The following MARCHF4 variants were observed in gnomAD, a reference collection of about 807,000 sequenced individuals.
MARCHF4 encodes E3 ubiquitin-protein ligase MARCHF4.
In MARCHF4, 14 loss-of-function variants were observed where a neutral mutation model predicts 43.9. That is an observed-to-expected ratio of 0.32 (90% CI 0.21 to 0.50). The LOEUF is 0.50. Ranked by LOEUF, MARCHF4 falls within the 20% of genes least tolerant of loss-of-function variation. The pLI, the probability that MARCHF4 is intolerant of heterozygous loss-of-function variation, is 0.98. For synonymous variants in MARCHF4, 226 were observed against 213.3 expected (o/e 1.06, Z -0.52); for missense variants, 468 against 536.7 (o/e 0.87, Z 1.27).
chr2:216,353,500 C>A (rs1692433174), intron 1 of MARCHF4, among the ~76,000 whole-genome samples: 1 of 152,196 alleles, frequency 6.6e-6, no homozygotes, highest in African/African-American at 2.4e-5. Context: ...AGGGATTTGC[C>A]TTCCACCTTG....
intron 1 of MARCHF4, chr2:216,318,163 C>T (rs1370495632): frequency 1.3e-5 from 2 of 152,238 alleles, no homozygotes; most frequent in Admixed American, 1.3e-4. Flanking sequence ...GTGCCTCGAT[C>T]TAAGTTTTCC....
At chr2:216,337,750 C>G (rs540579076) in intron 1 of MARCHF4, among the ~76,000 whole-genome samples, 1 of 152,236 alleles carries the variant, frequency 6.6e-6, no homozygotes, top group African/African-American at 2.4e-5. Flanking sequence ...TGGTTAGCGA[C>G]CTACTACTTC....
At chr2:216,324,527 G>C (rs1691956161) in intron 1 of MARCHF4, among the ~76,000 whole-genome samples, 1 of 151,988 alleles carries the variant, frequency 6.6e-6, no homozygotes, top group Admixed American at 6.6e-5. Flanking sequence ...GAGAATTTTA[G>C]ACCAATATCC....
intron 3 of MARCHF4, among the ~76,000 whole-genome samples, chr2:216,264,860 G>A (rs1384556219): frequency 6.6e-6 from 1 of 152,192 alleles, no homozygotes; most frequent in Non-Finnish European, 1.5e-5. Context: ...GGTGAAGAAG[G>A]TGGACCTGTT....
In MARCHF4 at chr2:216,283,865, C is replaced by T. The variant is rs7604731; in HGVS notation, c.517-136G>A. ...ACAGGCTTTGTTTGGGGGCACCAGACTCCATGGAGGAGGCCTGGGCTCCTG... is the reference window on the plus strand; with the variant it reads ...ACAGGCTTTGTTTGGGGGCACCAGATTCCATGGAGGAGGCCTGGGCTCCTG... On this transcript the variant is annotated intron_variant, in intron 1 of 3. Coordinates refer to ENST00000273067, the MANE Select transcript of MARCHF4 (RefSeq NM_020814.3). 131 of 945,396 alleles carry T rather than the reference C, an allele frequency of 1.4e-4. No individual in the cohort carries two copies. In the African/African-American group the frequency reaches 2.1e-3, roughly 15 times the overall value. The allele number at this position is 945,396 out of a possible 1,614,324, so 58.6% of individuals were successfully genotyped here. A position where few individuals can be genotyped will look rare whatever the true frequency, so the allele number is the denominator to read the frequency against.
At chr2:216,334,447 G>A (rs972070192) in intron 1 of MARCHF4, among the ~76,000 whole-genome samples, 1 of 152,000 alleles carries the variant, frequency 6.6e-6, no homozygotes, top group Non-Finnish European at 1.5e-5. Flanking sequence ...GTTGCCCAGG[G>A]TGGAGTGCAG....
At chr2:216,269,920 G>A (rs1690905384) in intron 3 of MARCHF4, among the ~76,000 whole-genome samples, 1 of 152,072 alleles carries the variant, frequency 6.6e-6, no homozygotes, top group African/African-American at 2.4e-5. Flanking sequence ...TCCCTTACTT[G>A]GTTAGTGTCC....
At position 216,285,940 on chromosome 2, in the gene MARCHF4, C is replaced by T. The variant is rs145737970; in HGVS notation, c.517-2211G>A. On this transcript the variant is annotated intron_variant, in intron 1 of 3. Coordinates refer to ENST00000273067, the MANE Select transcript of MARCHF4 (RefSeq NM_020814.3). Reference sequence around the variant, plus strand: ...GTGCTGAATGACAGTGAAGTCTCCACGCCTTGCTTCCCAAGCAGCAGCCAA... The same window carrying T: ...GTGCTGAATGACAGTGAAGTCTCCATGCCTTGCTTCCCAAGCAGCAGCCAA... Among the ~76,000 whole-genome samples the T allele has an allele frequency of 1.1e-3, 172 of 152,346 alleles. 1 individual carries two copies. The highest frequency in any genetic ancestry group is 3.8e-3 in the African/African-American group (157 of 41,574).
chr2:216,273,724 G>C (rs1690976868), intron 3 of MARCHF4, among the ~76,000 whole-genome samples: 1 of 152,190 alleles, frequency 6.6e-6, no homozygotes, highest in Non-Finnish European at 1.5e-5. Flanking sequence ...ATGTAAGATA[G>C]ATGCCTCCCG....
chr2:216,368,828 T>C (rs181113717), intron 1 of MARCHF4, among the ~76,000 whole-genome samples: 10 of 152,312 alleles, frequency 6.6e-5, no homozygotes, highest in African/African-American at 2.4e-4. Flanking sequence ...ATTCTATAGT[T>C]CCTGAAGAAT....
chr2:216,291,414 A>G (rs1013218985), intron 1 of MARCHF4, among the ~76,000 whole-genome samples: 1 of 152,130 alleles, frequency 6.6e-6, no homozygotes, highest in Non-Finnish European at 1.5e-5. Context: ...ATGTCTGAGG[A>G]CTGGTATAAA....
intron 1 of MARCHF4, among the ~76,000 whole-genome samples, chr2:216,290,190 G>C (rs961095837): frequency 3.3e-5 from 5 of 152,134 alleles, no homozygotes; most frequent in African/African-American, 1.2e-4. Flanking sequence ...TAGAAAGGAG[G>C]GGGTGAGTTG....
At chr2:216,295,264 T>G (rs1305385009) in intron 1 of MARCHF4, among the ~76,000 whole-genome samples, 1 of 152,088 alleles carries the variant, frequency 6.6e-6, no homozygotes, top group Non-Finnish European at 1.5e-5. Flanking sequence ...TGTTTTTTGT[T>G]TTGTTTTGTT....
At chr2:216,261,965 A>T (rs1690749130) in intron 3 of MARCHF4, among the ~76,000 whole-genome samples, 1 of 152,216 alleles carries the variant, frequency 6.6e-6, no homozygotes, top group Non-Finnish European at 1.5e-5. Context: ...TTACAATGTT[A>T]TCAAGAGGTC....
intron 1 of MARCHF4, among the ~76,000 whole-genome samples, chr2:216,316,716 C>T (rs1691783524): frequency 6.6e-6 from 1 of 152,150 alleles, no homozygotes; most frequent in South Asian, 2.1e-4. Flanking sequence ...TCCTAAATTG[C>T]TATGTACTTC....
In MARCHF4 at chr2:216,310,028, C is replaced by T. The variant is rs573073140; in HGVS notation, c.517-26299G>A. On this transcript the variant is annotated intron_variant, in intron 1 of 3. Transcript: ENST00000273067. ...AGCTGGCAAGAAGAGGGGATGATGA[C>T]AAACTAATAACTCTAGGATTATCCT... 3.3e-5 allele frequency among the ~76,000 whole-genome samples: 5 copies of T among 152,244 alleles called. No homozygotes were observed. The East Asian group carries it at 5.8e-4, about 18-fold the overall frequency.
chr2:216,317,432 G>C (rs1462198152), intron 1 of MARCHF4, among the ~76,000 whole-genome samples: 1 of 151,040 alleles, frequency 6.6e-6, no homozygotes, highest in African/African-American at 2.4e-5. Flanking sequence ...TTTTTTTTTA[G>C]AAACAGGGTC....
intron 2 of MARCHF4, among the ~76,000 whole-genome samples, chr2:216,279,785 G>A (rs552582448): frequency 4.6e-5 from 7 of 152,214 alleles, no homozygotes; most frequent in African/African-American, 7.2e-5. Context: ...GTTTCCCCCC[G>A]CCTAGGGTTA....
intron 3 of MARCHF4, among the ~76,000 whole-genome samples, chr2:216,274,130 C>T (rs1040993949): frequency 2.6e-5 from 4 of 152,164 alleles, no homozygotes; most frequent in Non-Finnish European, 4.4e-5. Flanking sequence ...ATGACTTCTG[C>T]GGGAACCCTG....
Sources: allele counts gnomAD v4.1 joint callset (sites outside exome capture counted in the v4.1 genomes callset), GRCh38; gene constraint gnomAD v4.1.1; transcripts MANE v1.5; gene names NCBI Gene and HGNC (gene_info 2026-07-23, HGNC 2026-07-21).